The following KCNK10 variants were observed in gnomAD, a reference collection of about 807,000 sequenced individuals.
KCNK10 encodes potassium two pore domain channel subfamily K member 10.
A neutral mutation model predicts 47.7 loss-of-function variants in KCNK10; 25 were observed. That is an observed-to-expected ratio of 0.52 (90% CI 0.38 to 0.73). The LOEUF (loss-of-function observed/expected upper bound fraction) is 0.73. Among genes scored for constraint, KCNK10 ranks in the 30% least tolerant of loss-of-function variants. The probability of loss-of-function intolerance (pLI) is 0.00; values close to 1 mark genes in which losing one functional copy is unlikely to be tolerated. For missense variants in KCNK10, 563 were observed against 714.5 expected (o/e 0.79, Z 2.42); for synonymous variants, 303 against 285.6 (o/e 1.06, Z -0.61).
chr14:88,237,853 G>A (rs1886340140), intron 3 of KCNK10, among the ~76,000 whole-genome samples: 1 of 152,146 alleles, frequency 6.6e-6, no homozygotes, highest in Non-Finnish European at 1.5e-5. Flanking sequence ...TGGTAAATGA[G>A]CACTGGCTTC....
intron 3 of KCNK10, among the ~76,000 whole-genome samples, chr14:88,239,806 C>A (rs1363503811): frequency 6.6e-6 from 1 of 151,662 alleles, no homozygotes; most frequent in Non-Finnish European, 1.5e-5. Flanking sequence ...TTGCAGTGAG[C>A]CGAGATTGCA....
In KCNK10 at chr14:88,185,533, A is replaced by AT. The variant is rs751896775; in HGVS notation, c.*1dup. 9.3e-6 allele frequency: 15 copies of AT among 1,611,520 alleles called. No individual in the cohort carries two copies. The highest frequency in any genetic ancestry group is 1.3e-5 in the Non-Finnish European group (15 of 1,178,230). On this transcript the variant is annotated 3_prime_UTR_variant, in exon 7 of 7. Transcript: ENST00000319231. This position sits in a 1 kb window ranked among gnomAD's most constrained non-coding sequence, Gnocchi z 4.3. ...TCAGTCCAAGACCAATGTCCTTCAC[A>AT]TTTAGTTTCTGTCTTCAAGTAATGA...
intron 4 of KCNK10, among the ~76,000 whole-genome samples, chr14:88,211,757 G>T (rs910106645): frequency 5.9e-5 from 9 of 151,950 alleles, no homozygotes; most frequent in Non-Finnish European, 8.8e-5. Flanking sequence ...TTAGCCAGGC[G>T]CAGTGGCAGG....
chr14:88,321,697 T>C (rs1300718243), intron 1 of KCNK10, among the ~76,000 whole-genome samples: 2 of 152,182 alleles, frequency 1.3e-5, no homozygotes, highest in Non-Finnish European at 2.9e-5. Context: ...TCCTAAGACA[T>C]TTACTCAACA....
intron 1 of KCNK10, among the ~76,000 whole-genome samples, chr14:88,281,751 T>TA (rs1491147685): frequency 7.2e-6 from 1 of 138,124 alleles, no homozygotes; most frequent in Non-Finnish European, 1.6e-5. Context: ...TATATATATA[T>TA]ACACATACAC....
At chr14:88,217,817 G>C (rs1287693286) in intron 4 of KCNK10, among the ~76,000 whole-genome samples, 1 of 151,774 alleles carries the variant, frequency 6.6e-6, no homozygotes, top group East Asian at 1.9e-4. Flanking sequence ...CTGCCTCCCC[G>C]GTTCAAGTGA....
At chr14:88,192,160 A>G (rs1884768444) in intron 5 of KCNK10, 64 bp downstream of exon 5, 1 of 1,464,100 alleles carries the variant, frequency 6.8e-7, no homozygotes, top group Non-Finnish European at 9.3e-7. Context: ...GATTGCGAAA[A>G]GCACAGCCAA....
chr14:88,188,656 A>G (rs2139823423), intron 5 of KCNK10, among the ~76,000 whole-genome samples: 2 of 152,318 alleles, frequency 1.3e-5, no homozygotes, highest in Middle Eastern at 6.8e-3. Flanking sequence ...ATGCTAACTG[A>G]GGAATGGTGT....
intron 2 of KCNK10, among the ~76,000 whole-genome samples, chr14:88,258,331 C>A (rs1449838249): frequency 4.7e-5 from 7 of 149,402 alleles, no homozygotes. Context: ...CATTCTCTTG[C>A]CCAGGCTGGA....
intron 5 of KCNK10, among the ~76,000 whole-genome samples, chr14:88,190,401 G>C (rs61975809): frequency 0.22 from 33,285 of 152,104 alleles, 4,671 homozygotes; most frequent in Non-Finnish European, 0.31. Flanking sequence ...ACACCACTGA[G>C]TTTTCCCACG....
At chr14:88,221,960 A>G (rs911873056) in intron 4 of KCNK10, among the ~76,000 whole-genome samples, 3 of 152,220 alleles carry the variant, frequency 2.0e-5, no homozygotes, top group Non-Finnish European at 4.4e-5. Flanking sequence ...AAGGCTACAT[A>G]CAGTATGATT....
intron 2 of KCNK10, among the ~76,000 whole-genome samples, chr14:88,255,227 C>T (rs1886914964): frequency 6.6e-6 from 1 of 152,174 alleles, no homozygotes; most frequent in South Asian, 2.1e-4. Context: ...TGAGGGGATA[C>T]TCACCATTGA....
intron 1 of KCNK10, among the ~76,000 whole-genome samples, chr14:88,303,102 G>A (rs1311907003): frequency 6.6e-6 from 1 of 152,114 alleles, no homozygotes; most frequent in Admixed American, 6.5e-5. Flanking sequence ...AAACACAGAG[G>A]CTACTTCACT....
chr14:88,251,478 C>T (rs1354028666), intron 2 of KCNK10, among the ~76,000 whole-genome samples: 3 of 152,038 alleles, frequency 2.0e-5, no homozygotes, highest in African/African-American at 7.2e-5. Context: ...ACATAAAGGG[C>T]CCATAAAGGC....
intron 4 of KCNK10, among the ~76,000 whole-genome samples, chr14:88,216,597 C>T (rs976380125): frequency 6.6e-6 from 1 of 152,022 alleles, no homozygotes; most frequent in Non-Finnish European, 1.5e-5. Flanking sequence ...AAGAAGGAGC[C>T]GTCCATGGAA....
chr14:88,318,932 T>A (rs2139807116), intron 1 of KCNK10, among the ~76,000 whole-genome samples: 1 of 152,314 alleles, frequency 6.6e-6, no homozygotes, highest in Admixed American at 6.5e-5. Context: ...TATTTGCAGA[T>A]CTCACTGGTT....
chr14:88,227,315 T>A, intron 4 of KCNK10, 60 bp downstream of exon 4: 1 of 1,368,742 alleles, frequency 7.3e-7, no homozygotes. Flanking sequence ...TCCTGGATCC[T>A]GTCAGGCTAA....
Position 88,181,120 on chromosome 14 carries a change from C to T in KCNK10, c.*4415G>A, listed in dbSNP as rs1259687233. 4.4e-5 allele frequency: 13 copies of T among 295,406 alleles called. No homozygotes were observed. The highest frequency in any genetic ancestry group is 1.6e-4 in the South Asian group (1 of 6,098). The allele number at this position is 295,406 out of a possible 1,614,324, so 18.3% of individuals were successfully genotyped here. On this transcript the variant is annotated 3_prime_UTR_variant, in exon 7 of 7. Coordinates refer to ENST00000319231, the MANE Select transcript of KCNK10 (RefSeq NM_138317.3). ...GGGGCTCTGAATGTTTGTTTTCCTA[C>T]GCCTTTCCCGTGGTTCAGAAACCCT... is the stretch of plus-strand genomic sequence containing the variant.
chr14:88,248,820 G>A (rs184868773), intron 2 of KCNK10, among the ~76,000 whole-genome samples: 112 of 152,182 alleles, frequency 7.4e-4, no homozygotes, highest in Middle Eastern at 6.8e-3. Context: ...GTTTGATAAG[G>A]GGAGAAACAA....
Sources: gnomAD v4.1 joint callset for allele counts (sites outside exome capture counted in the v4.1 genomes callset) on GRCh38, gnomAD v4.1.1 for gene constraint, Gnocchi (gnomAD v3.1) non-coding constraint, MANE v1.5 for transcripts, NCBI Gene and HGNC (gene_info 2026-07-23, HGNC 2026-07-21) for gene names.